The following IL16 variants were observed in gnomAD, a reference collection of about 807,000 sequenced individuals.
The protein encoded by IL16 is pro-interleukin-16.
A neutral mutation model predicts 110.1 loss-of-function variants in IL16; 67 were observed. That is an observed-to-expected ratio of 0.61 (90% confidence interval 0.50 to 0.75). IL16 has a LOEUF of 0.75. Ranked by LOEUF, IL16 falls within the 30% of genes least tolerant of loss-of-function variation. The pLI is 0.00. For synonymous variants in IL16, 689 were observed against 662.9 expected, an observed-to-expected ratio of 1.04 and a Z score of -0.61; for missense variants, 1,545 against 1,655.0, an observed-to-expected ratio of 0.93 and a Z score of 1.15.
At chr15:81,301,636 G>A in intron 15 of IL16, 124 bp downstream of exon 15, 1 of 745,140 alleles carries the variant, frequency 1.3e-6, no homozygotes, top group Non-Finnish European at 2.2e-6. Flanking sequence ...GTTGCGTCCT[G>A]TGATGGTGGG....
At chr15:81,269,748 G>A in intron 5 of IL16, 100 bp downstream of exon 5, 1 of 802,816 alleles carries the variant, frequency 1.2e-6, no homozygotes, top group Non-Finnish European at 2.1e-6. Context: ...CTACTGGGGT[G>A]TCCTGGCGCA....
intron 9 of IL16, 72 bp from the exon 10 acceptor site, chr15:81,285,625 GC>G: frequency 1.3e-6 from 2 of 1,507,876 alleles, no homozygotes; most frequent in Non-Finnish European, 1.8e-6. Flanking sequence ...CCAGGAGTGG[GC>G]CCCTGGGGCA....
intron 2 of IL16, among the ~76,000 whole-genome samples, chr15:81,254,245 G>C (rs1897869219): frequency 6.6e-6 from 1 of 152,164 alleles, no homozygotes; most frequent in Non-Finnish European, 1.5e-5. Context: ...GCCAGGGCTG[G>C]CTACATAAAA....
chr15:81,276,677 C>T (rs1053783828), intron 6 of IL16, among the ~76,000 whole-genome samples: 2 of 152,154 alleles, frequency 1.3e-5, no homozygotes, highest in African/African-American at 4.8e-5. Flanking sequence ...TTTATAGTTC[C>T]TGTAAAGCAA....
At chr15:81,205,257 G>T (rs1057280838) in intron 1 of IL16, among the ~76,000 whole-genome samples, 2 of 145,538 alleles carry the variant, frequency 1.4e-5, no homozygotes, top group Admixed American at 7.0e-5. Context: ...AGTGAGCCGA[G>T]ATCACACCAT....
chr15:81,295,626 T>C (rs758958247), intron 12 of IL16: 106 of 574,696 alleles, frequency 1.8e-4, no homozygotes, highest in Non-Finnish European at 2.6e-4. Flanking sequence ...GCCTTACTTT[T>C]TTTAAGGGCT....
chr15:81,256,830 C>T lies in IL16; in HGVS notation c.313-2942C>T, dbSNP rs117095507. On this transcript the variant is annotated intron_variant, in intron 2 of 18. Coordinates refer to ENST00000683961, the MANE Select transcript of IL16 (RefSeq NM_172217.5). ...TAGGCTTCCTTATGCTCAATGGACC[C>T]GAAAAAATTAATAAAATCACATTTT... Among the ~76,000 whole-genome samples, 426 of 152,064 alleles carry T rather than the reference C, an allele frequency of 2.8e-3. 8 individuals carry two copies. The highest frequency in any genetic ancestry group is 0.021 in the Admixed American group (315 of 15,262).
rs760049758 is a variant in IL16, at chr15:81,308,737, CG to C, written c.3939del (p.Ile1314LeufsTer33). On this transcript the variant is annotated frameshift_variant, in exon 19 of 19. Transcript: ENST00000683961. LOFTEE classifies it low-confidence loss of function (END_TRUNC). ...IIKALPDGPV[T>X]IVIRRKSLQS... Reference sequence around the variant, plus strand: ...AAGGCACTGCCTGATGGACCTGTCACGATTGTCATCAGGAGAAAAAGCCTCC... The same window carrying C: ...AAGGCACTGCCTGATGGACCTGTCACATTGTCATCAGGAGAAAAAGCCTCC... The C allele has an allele frequency of 9.9e-6, 16 of 1,614,040 alleles. No homozygotes were observed.
chr15:81,298,927 G>A (rs1353820064), intron 13 of IL16, among the ~76,000 whole-genome samples: 2 of 152,218 alleles, frequency 1.3e-5, no homozygotes, highest in Non-Finnish European at 2.9e-5. Flanking sequence ...GCCAACTCAT[G>A]ACCTTTGTCT....
chr15:81,259,402 G>T (rs774070013), intron 2 of IL16, among the ~76,000 whole-genome samples: 41 of 152,108 alleles, frequency 2.7e-4, no homozygotes, highest in South Asian at 4.2e-4. Context: ...CTTGTTTATT[G>T]TCAGTCATCT....
At chr15:81,277,655 G>C (rs554561979) in intron 6 of IL16, among the ~76,000 whole-genome samples, 17 of 152,096 alleles carry the variant, frequency 1.1e-4, no homozygotes, top group African/African-American at 3.9e-4. Flanking sequence ...TGTTGCCCAG[G>C]GTGCCCCCAT....
chr15:81,200,293 T>C (rs1895762875), intron 1 of IL16, among the ~76,000 whole-genome samples: 1 of 151,764 alleles, frequency 6.6e-6, no homozygotes, highest in African/African-American at 2.4e-5. Context: ...CCATGTACTA[T>C]GATGTAAAAT....
At position 81,309,738 on chromosome 15, in the gene IL16, A is replaced by G. The variant is rs1176274777; in HGVS notation, c.*940A>G. ...GCCGACAGAAGGAACCAGCGTGTAT[A>G]TGAGGGTATCAAATAAAATTGCTAC... On this transcript the variant is annotated 3_prime_UTR_variant, in exon 19 of 19. Transcript: ENST00000683961. The G allele has an allele frequency of 2.0e-5, 3 of 152,264 alleles. No individual in the cohort carries two copies. The highest frequency in any genetic ancestry group is 6.5e-5 in the Admixed American group (1 of 15,278). The allele number at this position is 152,264 out of a possible 1,614,324, so 9.4% of individuals were successfully genotyped here.
At chr15:81,260,020 A>C in intron 3 of IL16, 140 bp downstream of exon 3, 1 of 602,364 alleles carries the variant, frequency 1.7e-6, no homozygotes, top group East Asian at 2.8e-5. Flanking sequence ...TAGTGTGTGC[A>C]TGCTCTGGCT....
chr15:81,283,831 C>A (rs1899308129), intron 9 of IL16, among the ~76,000 whole-genome samples: 2 of 151,892 alleles, frequency 1.3e-5, no homozygotes, highest in African/African-American at 4.8e-5. Flanking sequence ...CATGGCAAAA[C>A]CCATCTCTAC....
At chr15:81,246,292 A>G (rs927528985) in intron 2 of IL16, among the ~76,000 whole-genome samples, 3 of 152,094 alleles carry the variant, frequency 2.0e-5, no homozygotes, top group South Asian at 2.1e-4. Context: ...TGGTTCTGTC[A>G]CCTTCGAAAG....
At chr15:81,184,433 G>A (rs983507703) in intron 1 of IL16, among the ~76,000 whole-genome samples, 4 of 152,198 alleles carry the variant, frequency 2.6e-5, no homozygotes, top group East Asian at 1.9e-4. Context: ...TGGCCTCAGC[G>A]GATCCAGGGG....
At chr15:81,239,356 G>C (rs1430074053) in intron 2 of IL16, among the ~76,000 whole-genome samples, 1 of 152,056 alleles carries the variant, frequency 6.6e-6, no homozygotes, top group Non-Finnish European at 1.5e-5. Flanking sequence ...GTGCTATTCT[G>C]GTATGCTTCA....
At chr15:81,185,802 G>A (rs1283595374) in intron 1 of IL16, among the ~76,000 whole-genome samples, 1 of 152,190 alleles carries the variant, frequency 6.6e-6, no homozygotes, top group East Asian at 1.9e-4. Flanking sequence ...TGCTATTTGA[G>A]TTGTTTTCTG....
Sources: allele counts gnomAD v4.1 joint callset (sites outside exome capture counted in the v4.1 genomes callset), GRCh38; gene constraint gnomAD v4.1.1; transcripts MANE v1.5; gene names NCBI Gene and HGNC (gene_info 2026-07-23, HGNC 2026-07-21).